Variants in SLC26A4 observed in about 807,000 individuals in gnomAD.
SLC26A4 encodes the protein solute carrier family 26 member 4.
Under a neutral mutation model 90.4 loss-of-function variants are expected in SLC26A4, and 93 were observed. The ratio of observed to expected loss-of-function variants is 1.03; its 90% CI spans 0.87 to 1.22. The LOEUF is 1.22. Ranked by LOEUF, SLC26A4 falls within the 50% of genes most tolerant of loss-of-function variation. The pLI is 0.00. For synonymous variants in SLC26A4, 393 were observed against 354.6 expected (o/e 1.11, Z -1.22); for missense variants, 1,127 against 946.2 (o/e 1.19, Z -2.51).
chr7:107,679,620 A>C (rs1306239557), intron 6 of SLC26A4, among the ~76,000 whole-genome samples: 4 of 151,576 alleles, frequency 2.6e-5, no homozygotes, highest in Non-Finnish European at 5.9e-5. Context: ...AAATATAATA[A>C]AATATTATCT....
At chr7:107,714,477 C>T (rs112797511) in intron 20 of SLC26A4, among the ~76,000 whole-genome samples, 3 of 152,146 alleles carry the variant, frequency 2.0e-5, no homozygotes, top group African/African-American at 7.2e-5. Context: ...CTTAGTGAGC[C>T]CAGGAAAGTC....
At chr7:107,674,898 C>T in intron 5 of SLC26A4, 47 bp from the exon 6 acceptor site, 1 of 1,570,280 alleles carries the variant, frequency 6.4e-7, no homozygotes, top group East Asian at 2.2e-5. Flanking sequence ...GAGTAGGTTT[C>T]TATCTCAGGC....
At chr7:107,705,471 C>T (rs761942416) in intron 18 of SLC26A4, among the ~76,000 whole-genome samples, 1 of 152,190 alleles carries the variant, frequency 6.6e-6, no homozygotes, top group Non-Finnish European at 1.5e-5. Flanking sequence ...CCAGGATTCT[C>T]ATGAATCAAA....
At chr7:107,714,817 A>T (rs1186788655) in intron 20 of SLC26A4, among the ~76,000 whole-genome samples, 4 of 152,190 alleles carry the variant, frequency 2.6e-5, no homozygotes, top group African/African-American at 9.7e-5. Flanking sequence ...TAGTAATAAT[A>T]CCACAGAGTT....
chr7:107,686,443 T>TTCTTTCTTTC (rs1334343067), intron 8 of SLC26A4, among the ~76,000 whole-genome samples: 3 of 146,662 alleles, frequency 2.0e-5, no homozygotes, highest in Non-Finnish European at 4.5e-5. Flanking sequence ...CTTTCTTTCT[T>TTCTTTCTTTC]TCTTTCTTTC....
chr7:107,691,510 T>TACACACACACACAC (rs780039045), intron 10 of SLC26A4, among the ~76,000 whole-genome samples: 144 of 51,196 alleles, frequency 2.8e-3, no homozygotes, highest in East Asian at 6.8e-3. Context: ...GTCAAATATA[T>TACACACACACACAC]ATATACACAC....
At chr7:107,692,457 A>T (rs1341001073) in intron 10 of SLC26A4, among the ~76,000 whole-genome samples, 1 of 152,218 alleles carries the variant, frequency 6.6e-6, no homozygotes, top group Non-Finnish European at 1.5e-5. Flanking sequence ...AGGCAAGAAA[A>T]TGTAAAGCCT....
intron 9 of SLC26A4, 122 bp downstream of exon 9, chr7:107,689,322 T>C: frequency 9.9e-7 from 1 of 1,011,728 alleles, no homozygotes; most frequent in Non-Finnish European, 1.5e-6. Context: ...CCTTATTGGG[T>C]TGGTTTTCCT....
Position 107,715,473 on chromosome 7 carries a change from C to G in SLC26A4, c.*27C>G. The G allele has an allele frequency of 6.3e-7, 1 of 1,581,336 alleles. No individual in the cohort carries two copies. Among genetic ancestry groups the G allele is most frequent in the African/African-American group, 1.3e-5 (1 of 74,360 alleles). On this transcript the variant is annotated 3_prime_UTR_variant, in exon 21 of 21. Transcript: ENST00000644269. ...AGTGGGTTCGGGAGGTCTCTATGAG[C>G]AAGGAATACAAGACAAAACTTCCTC... is the stretch of plus-strand genomic sequence containing the variant.
chr7:107,701,880 G>C lies in SLC26A4; in HGVS notation c.1857G>C (p.Glu619Asp), dbSNP rs753155720. ...CAAATAATGCTTTTGAGCCTGATGA[G>C]GATATTGAAGATCTGGAGGAACTTG... is the stretch of plus-strand genomic sequence containing the variant. ...VSTNNAFEPD[E>D]DIEDLEELDI... Residue 619 changes from glutamate (E) to aspartate (D), a missense_variant, in exon 17 of 21, where the codon GAG (glutamate) becomes GAC (aspartate). Coordinates refer to ENST00000644269, the MANE Select transcript of SLC26A4 (RefSeq NM_000441.2). The C allele has an allele frequency of 6.2e-7, 1 of 1,613,488 alleles. No homozygotes were observed. Among genetic ancestry groups the C allele is most frequent in the South Asian group, 1.1e-5 (1 of 91,068 alleles).
intron 6 of SLC26A4, among the ~76,000 whole-genome samples, 194 bp downstream of exon 6, chr7:107,675,303 AAAAG>A (rs1216871163): frequency 7.0e-6 from 1 of 143,840 alleles, no homozygotes; most frequent in Non-Finnish European, 1.5e-5. Context: ...AAAAAAAAAA[AAAAG>A]AAAGAAAGAA....
At chr7:107,680,095 AATCTTATCTTATTATATAATATAATCTT>A (rs1271620022) in intron 6 of SLC26A4, among the ~76,000 whole-genome samples, 3 of 93,524 alleles carry the variant, frequency 3.2e-5, no homozygotes, top group Non-Finnish European at 6.1e-5. Flanking sequence ...CTTATTATAT[AATCTTATCTTATTATATAATATAATCTT>A]ATCTTATTAT....
intron 18 of SLC26A4, 66 bp downstream of exon 18, chr7:107,704,451 C>T: frequency 4.0e-6 from 3 of 741,346 alleles, no homozygotes; most frequent in South Asian, 3.0e-5. Context: ...CTATCTGGGA[C>T]TGTGGTCACA....
chr7:107,671,294 C>G (rs1790860059), intron 3 of SLC26A4, among the ~76,000 whole-genome samples: 1 of 152,108 alleles, frequency 6.6e-6, no homozygotes, highest in Non-Finnish European at 1.5e-5. Flanking sequence ...TCCTTAATAA[C>G]TAGGACTACA....
Position 107,702,036 on chromosome 7 carries a change from T to G in SLC26A4, c.2013T>G (p.Val671=). 2 of 1,612,552 alleles carry G rather than the reference T, an allele frequency of 1.2e-6. No homozygotes were observed. The highest frequency in any genetic ancestry group is 1.7e-6 in the Non-Finnish European group (2 of 1,178,586). The change falls in exon 17 of 21, where the codon GTT becomes GTG. Residue 671 remains valine (V), a synonymous_variant. Coordinates refer to ENST00000644269, the MANE Select transcript of SLC26A4 (RefSeq NM_000441.2). Reference sequence around the variant, plus strand: ...GAGCTATATCTTTCCTGGACGTTGTTGGAGTGAGATCACTGCGGGTGGTAA... The same window carrying G: ...GAGCTATATCTTTCCTGGACGTTGTGGGAGTGAGATCACTGCGGGTGGTAA... ...DCGAISFLDV[V]GVRSLRVIVK...
rs1396082561 is a variant in SLC26A4 at position 107,700,123 on chromosome 7, G to A, written c.1655G>A (p.Ser552Asn). Reference sequence around the variant, plus strand: ...GGAGTGAAGATTCTTAGATTTTCCAGTCCTATTTTCTATGGCAATGTCGAT... The same window carrying A: ...GGAGTGAAGATTCTTAGATTTTCCAATCCTATTTTCTATGGCAATGTCGAT... ...PQGVKILRFSSPIFYGNVDGF... is the reference protein window; with the variant it reads ...PQGVKILRFSNPIFYGNVDGF... The change falls in exon 15 of 21, where the codon AGT (serine) becomes AAT (asparagine). Residue 552 changes from serine to asparagine, a missense_variant. Coordinates refer to ENST00000644269, the MANE Select transcript of SLC26A4 (RefSeq NM_000441.2). 1 of 1,592,982 alleles carries A rather than the reference G, an allele frequency of 6.3e-7. No individual in the cohort carries two copies. The highest frequency in any genetic ancestry group is 8.6e-7 in the Non-Finnish European group (1 of 1,160,894).
chr7:107,683,593 T>C (rs1008987123), intron 8 of SLC26A4, 56 bp downstream of exon 8: 1 of 1,379,084 alleles, frequency 7.3e-7, no homozygotes, highest in Admixed American at 1.7e-5. Context: ...TCAGTCTTTT[T>C]TATTTAAATA....
chr7:107,701,999 T>C lies in SLC26A4; in HGVS notation c.1976T>C (p.Val659Ala), dbSNP rs1380315814. ...NVPKVPIHSL[V>A]LDCGAISFLD... Reference sequence around the variant, plus strand: ...CCCAAAGTGCCAATCCATAGCCTTGTGCTTGACTGTGGAGCTATATCTTTC... The same window carrying C: ...CCCAAAGTGCCAATCCATAGCCTTGCGCTTGACTGTGGAGCTATATCTTTC... Residue 659 changes from valine to alanine, a missense_variant, in exon 17 of 21, where the codon GTG becomes GCG. Coordinates refer to ENST00000644269, the MANE Select transcript of SLC26A4 (RefSeq NM_000441.2). 24 of 1,614,134 alleles carry C rather than the reference T, an allele frequency of 1.5e-5. No individual in the cohort carries two copies. The highest frequency in any genetic ancestry group is 1.9e-5 in the Non-Finnish European group (22 of 1,179,984).
chr7:107,667,695 G>C (rs1392046161), intron 3 of SLC26A4, among the ~76,000 whole-genome samples: 1 of 152,070 alleles, frequency 6.6e-6, no homozygotes, highest in Non-Finnish European at 1.5e-5. Flanking sequence ...GAGATCTGTG[G>C]TGCAAGAAGT....
Sources: allele counts gnomAD v4.1 joint callset (sites outside exome capture counted in the v4.1 genomes callset), GRCh38; gene constraint gnomAD v4.1.1; transcripts MANE v1.5; gene names NCBI Gene and HGNC (gene_info 2026-07-23, HGNC 2026-07-21).